The following OR7E24 variants were observed in gnomAD, a reference collection of about 807,000 sequenced individuals.
The protein encoded by OR7E24 is olfactory receptor family 7 subfamily E member 24.
For synonymous variants in OR7E24, 130 were observed against 157.5 expected, an observed-to-expected ratio of 0.83 and a Z score of 1.31; for missense variants, 385 against 410.3, an observed-to-expected ratio of 0.94 and a Z score of 0.53.
At chr19:9,222,244 G>C in the OR7E24 span, among the ~76,000 whole-genome samples, 1 of 152,178 alleles carries the variant, frequency 6.6e-6, no homozygotes, top group South Asian at 2.1e-4. Context: ...TTTTAAATCA[G>C]GTAGTGTGAT....
At chr19:9,226,000 A>G in the OR7E24 span, among the ~76,000 whole-genome samples, 6 of 152,348 alleles carry the variant, frequency 3.9e-5, no homozygotes, top group Non-Finnish European at 7.3e-5. Flanking sequence ...CATCACGGCT[A>G]GAACACAGCA....
upstream of OR7E24, among the ~76,000 whole-genome samples, chr19:9,249,565 G>A (rs566319869): frequency 1.3e-5 from 2 of 152,312 alleles, no homozygotes; most frequent in African/African-American, 4.8e-5. Context: ...GATGCAGAAG[G>A]AAGTGGGGGC....
At chr19:9,225,364 CAAGAAGGA>C in the OR7E24 span, among the ~76,000 whole-genome samples, 61,362 of 140,442 alleles carry the variant, frequency 0.44, 16,627 homozygotes, top group African/African-American at 0.78. Flanking sequence ...GAGCGAAACT[CAAGAAGGA>C]AAGAAGGAAG....
At chr19:9,210,770 T>C in the OR7E24 span, 2 of 152,088 alleles carry the variant, frequency 1.3e-5, no homozygotes, top group Admixed American at 6.6e-5. Flanking sequence ...GAGCTCTTTC[T>C]TGATGAGCAA....
the OR7E24 span, chr19:9,214,004 G>A: frequency 3.0e-5 from 48 of 1,613,924 alleles, no homozygotes; most frequent in East Asian, 4.5e-5. Context: ...TGACCATGGC[G>A]TACATCACTG....
At chr19:9,235,765 G>A in the OR7E24 span, 1 of 1,609,546 alleles carries the variant, frequency 6.2e-7, no homozygotes, top group Non-Finnish European at 8.5e-7. Flanking sequence ...ACTGCTGGGT[G>A]TGTTTCCTGT....
chr19:9,228,693 C>A, the OR7E24 span, among the ~76,000 whole-genome samples: 1 of 152,216 alleles, frequency 6.6e-6, no homozygotes, highest in South Asian at 2.1e-4. Flanking sequence ...ACAAAACCTA[C>A]TCACCAATTT....
At position 9,250,987 on chromosome 19, in the gene OR7E24, A is replaced by T; in HGVS notation, c.-57A>T. The T allele has an allele frequency of 1.5e-6, 2 of 1,315,402 alleles. No homozygotes were observed. Among genetic ancestry groups the T allele is most frequent in the Non-Finnish European group, 2.1e-6 (2 of 969,074 alleles). The allele number at this position is 1,315,402 out of a possible 1,614,324, so 81.5% of individuals were successfully genotyped here. On this transcript the variant is annotated 5_prime_UTR_variant, in exon 1 of 1. Transcript: ENST00000456448. The stretch of plus-strand genomic sequence containing the variant: ...GGTGTATAATCCTATGTGAAAACTT[A>T]ATTTCTTAATTGCTTGTATCCAAAA...
chr19:9,226,453 A>G, the OR7E24 span, among the ~76,000 whole-genome samples: 4 of 152,220 alleles, frequency 2.6e-5, no homozygotes, highest in Admixed American at 1.3e-4. Context: ...AAAAGAGGCA[A>G]AGGCAGAGGA....
the OR7E24 span, among the ~76,000 whole-genome samples, chr19:9,220,111 G>A: frequency 1.1e-3 from 174 of 151,686 alleles, no homozygotes; most frequent in South Asian, 4.4e-3. Context: ...CTTGATATTT[G>A]GAAATATATA....
At chr19:9,218,018 A>T in the OR7E24 span, among the ~76,000 whole-genome samples, 1 of 152,214 alleles carries the variant, frequency 6.6e-6, no homozygotes. Flanking sequence ...GAAATAGAAC[A>T]TCCTATATTC....
In OR7E24 at chr19:9,251,658, T is replaced by C; in HGVS notation, c.615T>C (p.Leu205=). The C allele has an allele frequency of 6.2e-7, 1 of 1,613,844 alleles. No homozygotes were observed. The highest frequency in any genetic ancestry group is 8.5e-7 in the Non-Finnish European group (1 of 1,179,856). The part of the protein sequence containing the change: ...FFCDPSQLLH[L]RCSDTFINEM... ...GTGACCCTTCTCAACTCCTCCACCT[T>C]AGGTGTTCCGACACCTTCATCAATG... is the stretch of plus-strand genomic sequence containing the variant. Residue 205 remains leucine (L), a synonymous_variant, in exon 1 of 1, where the codon CTT becomes CTC. Coordinates refer to ENST00000456448, the MANE Select transcript of OR7E24 (RefSeq NM_001079935.2).
upstream of OR7E24, chr19:9,250,905 A>T: frequency 1.6e-6 from 1 of 643,208 alleles, no homozygotes; most frequent in Non-Finnish European, 2.7e-6. Context: ...ACACAAAATC[A>T]ATTATGAAGT....
the OR7E24 span, chr19:9,236,238 C>T: frequency 3.5e-6 from 2 of 570,470 alleles, no homozygotes; most frequent in Non-Finnish European, 6.2e-6. Flanking sequence ...TATGGCCGGG[C>T]ACGGTGGCTT....
the OR7E24 span, among the ~76,000 whole-genome samples, chr19:9,240,085 G>A: frequency 6.6e-6 from 1 of 152,112 alleles, no homozygotes; most frequent in South Asian, 2.1e-4. Context: ...GGCCCAGTCT[G>A]GTCTCAAACT....
At chr19:9,230,100 A>G in the OR7E24 span, among the ~76,000 whole-genome samples, 1 of 150,822 alleles carries the variant, frequency 6.6e-6, no homozygotes, top group Non-Finnish European at 1.5e-5. Context: ...GCTGGAGTGC[A>G]ATGGCACGAT....
the OR7E24 span, chr19:9,210,565 C>G: frequency 6.6e-6 from 1 of 152,236 alleles, no homozygotes; most frequent in African/African-American, 2.4e-5. Context: ...GGCAACAGAG[C>G]AAGACATCTC....
the OR7E24 span, among the ~76,000 whole-genome samples, chr19:9,218,557 G>T: frequency 6.6e-6 from 1 of 152,090 alleles, no homozygotes; most frequent in Non-Finnish European, 1.5e-5. Context: ...AACAGTAAGG[G>T]GTTTAAATTC....
the OR7E24 span, among the ~76,000 whole-genome samples, chr19:9,218,330 T>C: frequency 8.5e-5 from 13 of 152,274 alleles, 1 homozygote; most frequent in Admixed American, 2.0e-4. Flanking sequence ...GCTCTAACAA[T>C]GGAAGCAGGT....
Sources: allele counts gnomAD v4.1 joint callset (sites outside exome capture counted in the v4.1 genomes callset), GRCh38; gene constraint gnomAD v4.1.1; transcripts MANE v1.5; gene names NCBI Gene and HGNC (gene_info 2026-07-23, HGNC 2026-07-21).